The following GNE variants were observed in gnomAD, a reference collection of about 807,000 sequenced individuals.
GNE encodes the protein glucosamine (UDP-N-acetyl)-2-epimerase/N-acetylmannosamine kinase.
A neutral mutation model predicts 61.8 loss-of-function variants in GNE; 41 were observed. The ratio of observed to expected loss-of-function variants is 0.66; its 90% CI spans 0.52 to 0.86. The LOEUF (loss-of-function observed/expected upper bound fraction) is 0.86. Ranked by LOEUF, GNE falls within the 40% of genes least tolerant of loss-of-function variation. GNE has a pLI of 0.00. For synonymous variants in GNE, 264 were observed against 326.4 expected (o/e 0.81, Z 2.06); for missense variants, 608 against 909.1 (o/e 0.67, Z 4.26).
At chr9:36,270,090 T>C (rs1325917003) in intron 1 of GNE, among the ~76,000 whole-genome samples, 1 of 152,118 alleles carries the variant, frequency 6.6e-6, no homozygotes, top group African/African-American at 2.4e-5. Context: ...GCATCCCAAG[T>C]AGCTGGGACT....
In GNE at chr9:36,216,327, A is replaced by ATGTGTGTGTGAGTGTGTG; in HGVS notation, c.*1037_*1038insCACACACTCACACACACA. 2.8e-6 allele frequency: 1 copy of ATGTGTGTGTGAGTGTGTG among 355,724 alleles called. No individual in the cohort carries two copies. The highest frequency in any genetic ancestry group is 5.8e-6 in the Non-Finnish European group (1 of 171,796). The allele number at this position is 355,724 out of a possible 1,614,324, so 22.0% of individuals were successfully genotyped here. ...TTAGTTTGGGGTTAGAGGAGGAAGG[A>ATGTGTGTGTGAGTGTGTG]TGTGTGTGTGTGTGTGTGTGTGTGT... is the stretch of plus-strand genomic sequence containing the variant. On this transcript the variant is annotated 3_prime_UTR_variant, in exon 12 of 12. Coordinates refer to ENST00000642385, the MANE Select transcript of GNE (RefSeq NM_005476.7).
At chr9:36,230,695 T>G (rs1829105929) in intron 5 of GNE, among the ~76,000 whole-genome samples, 1 of 151,472 alleles carries the variant, frequency 6.6e-6, no homozygotes, top group Non-Finnish European at 1.5e-5. Flanking sequence ...AGTCTCGCTC[T>G]GTTGCCCAGG....
chr9:36,233,395 G>A (rs1563937856), intron 5 of GNE, among the ~76,000 whole-genome samples: 1 of 152,156 alleles, frequency 6.6e-6, no homozygotes, highest in Non-Finnish European at 1.5e-5. Flanking sequence ...GGCTGGGCGC[G>A]GTGGCTCACG....
Position 36,218,152 on chromosome 9 carries a change from G to A in GNE, c.1933+31C>T, listed in dbSNP as rs1226306401. 6.8e-7 allele frequency: 1 copy of A among 1,462,080 alleles called. No individual in the cohort carries two copies. Among genetic ancestry groups the A allele is most frequent in the Admixed American group, 1.7e-5 (1 of 59,830 alleles). The allele number at this position is 1,462,080 out of a possible 1,614,324, so 90.6% of individuals were successfully genotyped here. On this transcript the variant is annotated intron_variant, in intron 11 of 11. Transcript: ENST00000642385. The surrounding 1 kb of genome is among the most constrained non-coding windows in gnomAD (Gnocchi z 4.1). ...CATATGATATCTGAGGCCACCCCCTGCAGCACAGCCACCTGCAGCCACATG... is the reference window on the plus strand; with the variant it reads ...CATATGATATCTGAGGCCACCCCCTACAGCACAGCCACCTGCAGCCACATG...
chr9:36,246,120 T>C lies in GNE; in HGVS notation c.527A>G (p.Asp176Gly). The C allele has an allele frequency of 6.2e-7, 1 of 1,614,228 alleles. No individual in the cohort carries two copies. The highest frequency in any genetic ancestry group is 8.5e-7 in the Non-Finnish European group (1 of 1,180,024). The stretch of plus-strand genomic sequence containing the variant: ...AGGGCAGCCTGCCAAAAGGATGCGA[T>C]CATGGTCCTCACACATGGATATCAG... ...QHLISMCEDH[D>G]RILLAGCPSY... The change falls in exon 3 of 12, where the codon GAT becomes GGT. Residue 176 changes from aspartate (D) to glycine (G), a missense_variant. Asp to Gly is a moderately conservative substitution (Grantham distance 94). Coordinates refer to ENST00000642385, the MANE Select transcript of GNE (RefSeq NM_005476.7).
chr9:36,236,018 T>C (rs1829376335), intron 4 of GNE, among the ~76,000 whole-genome samples: 1 of 152,208 alleles, frequency 6.6e-6, no homozygotes, highest in African/African-American at 2.4e-5. Context: ...AAGCAAGTGA[T>C]CAGCCAGGGC....
At chr9:36,265,270 G>A (rs2133184919) in intron 1 of GNE, 1 of 414,118 alleles carries the variant, frequency 2.4e-6, no homozygotes, top group East Asian at 7.1e-5. Flanking sequence ...CATGGCCCAA[G>A]ATTCCATTCC....
intron 5 of GNE, among the ~76,000 whole-genome samples, chr9:36,232,767 A>G (rs1829229236): frequency 6.6e-6 from 1 of 152,214 alleles, no homozygotes; most frequent in Non-Finnish European, 1.5e-5. Flanking sequence ...TCTTTTGTGT[A>G]TGTCTATCAT....
At chr9:36,227,048 A>C (rs992470167) in intron 7 of GNE, among the ~76,000 whole-genome samples, 200 bp downstream of exon 7, 2 of 152,208 alleles carry the variant, frequency 1.3e-5, no homozygotes, top group Admixed American at 6.5e-5. Flanking sequence ...TGGATTCCCA[A>C]AGAATTTACT....
In GNE at chr9:36,258,343, C is replaced by T. The variant is rs138897916; in HGVS notation, c.-65G>A. ...CACCAGACGCCGTCAGAGGCTCCCT[C>T]CCACGCCGCCACCGCGCTCCTCGGG... is the stretch of plus-strand genomic sequence containing the variant. On this transcript the variant is annotated 5_prime_UTR_variant, in exon 1 of 12. Transcript: ENST00000642385. 8,023 of 985,524 alleles carry T rather than the reference C, an allele frequency of 8.1e-3. 40 individuals carry two copies. Among genetic ancestry groups the T allele is most frequent in the Non-Finnish European group, 9.2e-3 (7,669 of 830,016 alleles). 61.0% of individuals were successfully genotyped at this position (985,524 alleles called of 1,614,324 possible). A position where few individuals can be genotyped will look rare whatever the true frequency, so the allele number is the denominator to read the frequency against.
chr9:36,244,130 A>G (rs550614716), intron 3 of GNE, among the ~76,000 whole-genome samples: 2 of 151,748 alleles, frequency 1.3e-5, no homozygotes, highest in African/African-American at 4.8e-5. Flanking sequence ...CGCCCAGCTA[A>G]TTTTCTTATT....
rs771382886 is a variant in GNE, at chr9:36,246,001, A to T, written c.616+30T>A. 2.6e-6 allele frequency: 4 copies of T among 1,537,658 alleles called. No homozygotes were observed. The Admixed American group carries it at 5.0e-5, about 19-fold the overall frequency. On this transcript the variant is annotated intron_variant, in intron 3 of 11. Coordinates refer to ENST00000642385, the MANE Select transcript of GNE (RefSeq NM_005476.7). ...GGAACATTTTCTGACAAAAACAGCCATTAGACTGACTAAAGTCTGAGATAC... is the reference window on the plus strand; with the variant it reads ...GGAACATTTTCTGACAAAAACAGCCTTTAGACTGACTAAAGTCTGAGATAC...
intron 3 of GNE, among the ~76,000 whole-genome samples, chr9:36,239,290 G>A (rs1587324362): frequency 6.6e-6 from 1 of 151,966 alleles, no homozygotes; most frequent in Non-Finnish European, 1.5e-5. Flanking sequence ...TTTTGATGGG[G>A]ATTGCATTGA....
chr9:36,239,585 G>T (rs1308547701), intron 3 of GNE, among the ~76,000 whole-genome samples: 1 of 151,782 alleles, frequency 6.6e-6, no homozygotes, highest in African/African-American at 2.4e-5. Context: ...CGATTCTCCT[G>T]CCTCGGCCTC....
At chr9:36,258,238 C>A (rs1350889783) in intron 1 of GNE, 83 bp downstream of exon 1, 1 of 797,024 alleles carries the variant, frequency 1.3e-6, no homozygotes, top group African/African-American at 1.9e-5. Flanking sequence ...GGAGGGGAGG[C>A]CTGGGGCAGG....
chr9:36,229,070 C>T lies in GNE; in HGVS notation c.1021G>A (p.Asp341Asn). The T allele has an allele frequency of 6.2e-7, 1 of 1,611,550 alleles. No individual in the cohort carries two copies. Among genetic ancestry groups the T allele is most frequent in the South Asian group, 1.1e-5 (1 of 91,034 alleles). The change falls in exon 6 of 12, where the codon GAC becomes AAC. Residue 341 changes from aspartate (D) to asparagine (N), a missense_variant. Transcript: ENST00000642385. The stretch of plus-strand genomic sequence containing the variant: ...AGGTGCAGTGCTTGCAATATTTTGT[C>T]TTGGGTGTCAGCATCCCGGACATGA... ...VLHVRDADTQ[D>N]KILQALHLQF...
intron 3 of GNE, among the ~76,000 whole-genome samples, chr9:36,237,643 T>G (rs1286788629): frequency 8.8e-6 from 1 of 113,080 alleles, no homozygotes; most frequent in Non-Finnish European, 2.2e-5. Flanking sequence ...GAGCTCCACT[T>G]ACTTTTTTTT....
Position 36,218,288 on chromosome 9 carries a change from A to C in GNE, c.1828T>G (p.Leu610Val). 1.2e-6 allele frequency: 2 copies of C among 1,613,094 alleles called. No homozygotes were observed. Among genetic ancestry groups the C allele is most frequent in the South Asian group, 2.2e-5 (2 of 91,062 alleles). ...AKKLHDEDLL[L>V]VEGMSVPKDE... The stretch of plus-strand genomic sequence containing the variant: ...TTTGGCACTGACATCCCTTCCACCA[A>C]GAGCAGGTCCTCTGAACAGAGTGAG... The change falls in exon 11 of 12, where the codon TTG (leucine) becomes GTG (valine). Residue 610 changes from leucine (L) to valine (V), a missense_variant. Transcript: ENST00000642385. This position sits in a 1 kb window ranked among gnomAD's most constrained non-coding sequence, Gnocchi z 4.1.
At chr9:36,247,297 C>T (rs189555697) in intron 2 of GNE, among the ~76,000 whole-genome samples, 31 of 151,818 alleles carry the variant, frequency 2.0e-4, no homozygotes, top group Admixed American at 2.6e-4. Flanking sequence ...CCTCGTGATC[C>T]GCCCGCCTCG....
Sources: allele counts gnomAD v4.1 joint callset (sites outside exome capture counted in the v4.1 genomes callset), GRCh38; gene constraint gnomAD v4.1.1; non-coding constraint Gnocchi (gnomAD v3.1); transcripts MANE v1.5; gene names NCBI Gene and HGNC (gene_info 2026-07-23, HGNC 2026-07-21).